Variants in ZNF730 observed in about 807,000 individuals in gnomAD.
ZNF730 encodes putative zinc finger protein 730.
ZNF730 carries 12 observed loss-of-function variants against 12.6 expected under a neutral mutation model. The observed-to-expected ratio is 0.95, with a 90% CI of 0.61 to 1.54. The LOEUF (loss-of-function observed/expected upper bound fraction) is 1.54, where lower values mean the gene tolerates loss of function less well. Among genes scored for constraint, ZNF730 ranks in the 40% most tolerant of loss-of-function variants. The pLI, the probability that ZNF730 is intolerant of heterozygous loss-of-function variation, is 0.00. For synonymous variants in ZNF730, 194 were observed against 195.8 expected (o/e 0.99, Z 0.08); for missense variants, 643 against 583.5 (o/e 1.10, Z -1.05).
chr19:23,119,992 C>CTTTTT (rs539722897), intron 1 of ZNF730, among the ~76,000 whole-genome samples: 14 of 132,574 alleles, frequency 1.1e-4, no homozygotes, highest in Non-Finnish European at 1.3e-4. Context: ...CACTTTCTTT[C>CTTTTT]TTTTTTTTTT....
chr19:23,094,384 A>ATCTATCTATCTG (rs1555712305), intron 1 of ZNF730, among the ~76,000 whole-genome samples: 5 of 147,018 alleles, frequency 3.4e-5, no homozygotes, highest in African/African-American at 7.9e-5. Context: ...CTATCTATCT[A>ATCTATCTATCTG]TCTATCTGTC....
At chr19:23,112,804 G>GA (rs749368986), upstream of ZNF730, among the ~76,000 whole-genome samples, 1 of 151,352 alleles carries the variant, frequency 6.6e-6, no homozygotes, top group East Asian at 1.9e-4. Flanking sequence ...TGTCTCATCA[G>GA]AAACAGAATG....
At chr19:23,104,589 CTG>C (rs1237095510) in intron 1 of ZNF730, among the ~76,000 whole-genome samples, 1 of 152,126 alleles carries the variant, frequency 6.6e-6, no homozygotes, top group Non-Finnish European at 1.5e-5. Flanking sequence ...TGGAAACTAT[CTG>C]TGAGTATTCT....
intron 1 of ZNF730, among the ~76,000 whole-genome samples, chr19:23,089,526 C>T (rs1599570319): frequency 2.0e-5 from 3 of 152,016 alleles, no homozygotes; most frequent in Admixed American, 6.6e-5. Context: ...GTAGTATTCT[C>T]GTGATATTGA....
intron 1 of ZNF730, among the ~76,000 whole-genome samples, chr19:23,118,539 G>A (rs1970561184): frequency 6.6e-6 from 1 of 152,066 alleles, no homozygotes; most frequent in Non-Finnish European, 1.5e-5. Flanking sequence ...TTCTCTCACA[G>A]GACAACAAGA....
At chr19:23,118,000 C>T (rs1970553935) in intron 1 of ZNF730, among the ~76,000 whole-genome samples, 1 of 151,936 alleles carries the variant, frequency 6.6e-6, no homozygotes, top group Non-Finnish European at 1.5e-5. Flanking sequence ...TCATGTTTCT[C>T]AAACGGGGTC....
chr19:23,121,731 G>T (rs1046182588), intron 1 of ZNF730, among the ~76,000 whole-genome samples: 2 of 152,072 alleles, frequency 1.3e-5, no homozygotes, highest in Admixed American at 1.3e-4. Context: ...AGTGCATACC[G>T]TATGCCCAAG....
At chr19:23,112,701 C>G (rs776996066), upstream of ZNF730, among the ~76,000 whole-genome samples, 1 of 150,314 alleles carries the variant, frequency 6.7e-6, no homozygotes, top group East Asian at 2.0e-4. Context: ...CCAGGCTGGG[C>G]TACAGAGCGA....
At chr19:23,111,014 A>G (rs1341441068) in intron 1 of ZNF730, among the ~76,000 whole-genome samples, 3 of 152,196 alleles carry the variant, frequency 2.0e-5, no homozygotes, top group African/African-American at 7.2e-5. Context: ...TTTAATGTTA[A>G]GTGTGGACTC....
chr19:23,082,308 A>G (rs944630945), intron 1 of ZNF730, among the ~76,000 whole-genome samples: 2 of 151,738 alleles, frequency 1.3e-5, no homozygotes, highest in African/African-American at 4.8e-5. Flanking sequence ...TTCACTTAAC[A>G]TGATATCCTC....
Position 23,146,402 on chromosome 19 carries a change from A to C in ZNF730, c.1358A>C (p.Glu453Ala), listed in dbSNP as rs1599604999. ...KRIHTGEKPYECEECGKAFNR... is the reference protein window; with the variant it reads ...KRIHTGEKPYACEECGKAFNR... ...ATTCATACTGGAGAGAAACCCTATG[A>C]ATGTGAAGAATGTGGCAAAGCTTTT... The change falls in exon 4 of 4, where the codon GAA becomes GCA. Residue 453 changes from glutamate (E) to alanine (A), a missense_variant. By Grantham distance (107) the Glu-to-Ala change is moderately radical (BLOSUM62 -1). Transcript: ENST00000597761. 6.2e-7 allele frequency: 1 copy of C among 1,613,370 alleles called. No homozygotes were observed. Among genetic ancestry groups the C allele is most frequent in the East Asian group, 2.2e-5 (1 of 44,852 alleles).
At chr19:23,077,890 G>GTT (rs1398105064) in intron 1 of ZNF730, among the ~76,000 whole-genome samples, 1 of 152,218 alleles carries the variant, frequency 6.6e-6, no homozygotes, top group African/African-American at 2.4e-5. Flanking sequence ...TGTGCTCACA[G>GTT]AGACAAGTGC....
At chr19:23,106,934 A>G (rs970883657) in intron 1 of ZNF730, among the ~76,000 whole-genome samples, 9 of 152,184 alleles carry the variant, frequency 5.9e-5, no homozygotes, top group African/African-American at 1.9e-4. Context: ...ATGAATTAGC[A>G]ATTTTTAAAA....
At chr19:23,094,500 G>C (rs1443926554) in intron 1 of ZNF730, among the ~76,000 whole-genome samples, 2 of 144,960 alleles carry the variant, frequency 1.4e-5, no homozygotes, top group Non-Finnish European at 3.1e-5. Context: ...TATTTATTTT[G>C]AGATGGAATT....
At chr19:23,104,545 T>C (rs1349191315) in intron 1 of ZNF730, among the ~76,000 whole-genome samples, 3 of 152,190 alleles carry the variant, frequency 2.0e-5, no homozygotes, top group African/African-American at 7.2e-5. Flanking sequence ...ATTAGGAATA[T>C]GTTTGTTTTT....
At chr19:23,143,051 TG>T (rs1970948894) in intron 3 of ZNF730, among the ~76,000 whole-genome samples, 1 of 151,970 alleles carries the variant, frequency 6.6e-6, no homozygotes, top group African/African-American at 2.4e-5. Flanking sequence ...GAGGCCATCC[TG>T]GCTAACACGG....
chr19:23,085,849 T>C (rs1340669181), intron 1 of ZNF730, among the ~76,000 whole-genome samples: 2 of 106,574 alleles, frequency 1.9e-5, no homozygotes, highest in South Asian at 3.6e-4. Flanking sequence ...TTTTTTTTTT[T>C]TTTTTTTTTT....
Position 23,135,959 on chromosome 19 carries a change from T to G in ZNF730, c.142T>G (p.Ser48Ala). ...TTTTCATAAAACAGGTATTGCTGTC[T>G]CAAAGCCAGACCTGATCACCTGTCT... The part of the protein sequence containing the change: ...RNLVFLGIAV[S>A]KPDLITCLEQ... Residue 48 changes from serine (S) to alanine (A), a missense_variant, in exon 3 of 4, where the codon TCA becomes GCA. Ser to Ala is a moderately conservative substitution (Grantham distance 99). Transcript: ENST00000597761. 1 of 1,609,628 alleles carries G rather than the reference T, an allele frequency of 6.2e-7. No individual in the cohort carries two copies. Among genetic ancestry groups the G allele is most frequent in the Non-Finnish European group, 8.5e-7 (1 of 1,177,904 alleles).
intron 1 of ZNF730, among the ~76,000 whole-genome samples, chr19:23,133,505 G>A (rs1231857207): frequency 6.6e-6 from 1 of 152,144 alleles, no homozygotes; most frequent in African/African-American, 2.4e-5. Context: ...ACCATGGCCA[G>A]CTAATTTTGT....
Sources: gnomAD v4.1 joint callset for allele counts (sites outside exome capture counted in the v4.1 genomes callset) on GRCh38, gnomAD v4.1.1 for gene constraint, MANE v1.5 for transcripts, NCBI Gene and HGNC (gene_info 2026-07-23, HGNC 2026-07-21) for gene names.